Variants in RUNX1T1 observed in about 807,000 individuals in gnomAD.
RUNX1T1 encodes the protein protein CBFA2T1.
Under a neutral mutation model 62.8 loss-of-function variants are expected in RUNX1T1, and 4 were observed. The ratio of observed to expected loss-of-function variants is 0.06; its 90% CI spans 0.03 to 0.15. RUNX1T1 has a LOEUF of 0.15. Ranked by LOEUF, RUNX1T1 falls within the 10% of genes least tolerant of loss-of-function variation. The pLI is 1.00. For missense variants in RUNX1T1, 508 were observed against 754.3 expected (o/e 0.67, Z 3.82); for synonymous variants, 291 against 286.0 (o/e 1.02, Z -0.18).
intron 10 of RUNX1T1, among the ~76,000 whole-genome samples, chr8:91,965,811 G>A (rs2979854): frequency 0.69 from 104,414 of 151,784 alleles, 38,127 homozygotes; most frequent in East Asian, 0.99. Context: ...TAATTCTCTC[G>A]CCACCCTTCC....
rs768035548 is a variant in RUNX1T1 at position 92,062,508 on chromosome 8, T to C, written c.7+38A>G. The C allele has an allele frequency of 2.2e-5, 36 of 1,606,950 alleles. No individual in the cohort carries two copies. The East Asian group carries it at 6.5e-4, about 29-fold the overall frequency. On this transcript the variant is annotated intron_variant, in intron 1 of 10. Coordinates refer to ENST00000396218, the Ensembl canonical transcript of RUNX1T1. ...ATAATAGAAAGTAAGCTTTCTTCAT[T>C]GGAAAAACAGAGAGAACACAGAACA...
chr8:92,000,120 A>G (rs1819476762), intron 5 of RUNX1T1, among the ~76,000 whole-genome samples: 2 of 152,102 alleles, frequency 1.3e-5, no homozygotes, highest in South Asian at 4.1e-4. Flanking sequence ...GGCCTGGCCA[A>G]TATGGTGAAA....
At chr8:92,086,101 T>C (rs1046586183) in intron 1 of RUNX1T1, among the ~76,000 whole-genome samples, 1 of 152,188 alleles carries the variant, frequency 6.6e-6, no homozygotes, top group African/African-American at 2.4e-5. Context: ...CAAATGAATC[T>C]AGATTCAAAA....
At chr8:92,086,788 T>G (rs1230833223) in intron 1 of RUNX1T1, among the ~76,000 whole-genome samples, 1 of 152,164 alleles carries the variant, frequency 6.6e-6, no homozygotes, top group Non-Finnish European at 1.5e-5. Flanking sequence ...TCTATCCAAG[T>G]GCTAATTATT....
upstream of RUNX1T1, among the ~76,000 whole-genome samples, chr8:92,065,802 G>C (rs1000108727): frequency 5.3e-5 from 8 of 152,120 alleles, no homozygotes; most frequent in Non-Finnish European, 1.2e-4. Context: ...CTTTCCACAG[G>C]TCTTCTCAAC....
At chr8:92,086,760 CCT>C (rs1166787406) in intron 1 of RUNX1T1, among the ~76,000 whole-genome samples, 1 of 152,212 alleles carries the variant, frequency 6.6e-6, no homozygotes, top group Non-Finnish European at 1.5e-5. Context: ...ATAACTTCCC[CCT>C]CTCTAAATCC....
chr8:92,059,287 T>C (rs754245834), intron 1 of RUNX1T1, among the ~76,000 whole-genome samples: 23 of 152,216 alleles, frequency 1.5e-4, no homozygotes, highest in Non-Finnish European at 2.4e-4. Context: ...TGAGTGTTTT[T>C]ATTCTTGCAT....
chr8:92,102,854 T>A, upstream of RUNX1T1: 1 of 1,520,300 alleles, frequency 6.6e-7, no homozygotes, highest in South Asian at 1.2e-5. The surrounding 1 kb of genome is among the most constrained non-coding windows in gnomAD (Gnocchi z 4.5). Context: ...CGCGGACACT[T>A]ACACTGCACA....
At chr8:92,039,595 G>A (rs931548456) in intron 1 of RUNX1T1, among the ~76,000 whole-genome samples, 1 of 152,134 alleles carries the variant, frequency 6.6e-6, no homozygotes, top group Admixed American at 6.5e-5. Context: ...GTATACATCT[G>A]TACCTCACAA....
intron 1 of RUNX1T1, among the ~76,000 whole-genome samples, chr8:92,018,757 T>C (rs1405408331): frequency 6.6e-6 from 1 of 152,216 alleles, no homozygotes; most frequent in Non-Finnish European, 1.5e-5. Flanking sequence ...CATTTAAAAG[T>C]TGAAATAATG....
chr8:92,001,415 C>T (rs1819736048), intron 5 of RUNX1T1, among the ~76,000 whole-genome samples: 1 of 152,114 alleles, frequency 6.6e-6, no homozygotes, highest in Non-Finnish European at 1.5e-5. Context: ...AGATCCCTCC[C>T]AGCTGACAAA....
intron 10 of RUNX1T1, 75 bp from the exon 12 acceptor site, chr8:91,960,592 G>A (rs1810223369): frequency 6.8e-7 from 1 of 1,468,492 alleles, no homozygotes; most frequent in South Asian, 1.2e-5. Context: ...AAATATGTTA[G>A]GCATCACTGT....
At chr8:92,084,179 T>C (rs1436331457) in intron 1 of RUNX1T1, among the ~76,000 whole-genome samples, 3 of 151,656 alleles carry the variant, frequency 2.0e-5, no homozygotes, top group Non-Finnish European at 4.4e-5. Context: ...CAAACCACCA[T>C]GGCACATGTA....
chr8:92,005,153 C>A, exon 5 of RUNX1T1: 2 of 1,612,634 alleles, frequency 1.2e-6, no homozygotes, highest in Non-Finnish European at 1.7e-6. Flanking sequence ...TCGTTCACAT[C>A]GAGAAGCAGC....
At chr8:92,060,322 A>T (rs1309193285) in intron 1 of RUNX1T1, among the ~76,000 whole-genome samples, 1 of 151,736 alleles carries the variant, frequency 6.6e-6, no homozygotes, top group Non-Finnish European at 1.5e-5. Flanking sequence ...CATGTTTTTT[A>T]AAACCAAAAT....
chr8:91,955,845 T>C (rs1809283613), downstream of RUNX1T1: 1 of 228,022 alleles, frequency 4.4e-6, no homozygotes, highest in African/African-American at 2.2e-5. Flanking sequence ...GGGAGAAGGG[T>C]TTGTTTTTCA....
At chr8:92,051,934 C>T (rs958729417) in intron 1 of RUNX1T1, among the ~76,000 whole-genome samples, 1 of 151,922 alleles carries the variant, frequency 6.6e-6, no homozygotes, top group African/African-American at 2.4e-5. Context: ...TAGACTTCCA[C>T]ATTTCTTAGC....
intron 5 of RUNX1T1, among the ~76,000 whole-genome samples, chr8:91,996,480 C>T (rs1033251504): frequency 6.6e-6 from 1 of 152,192 alleles, no homozygotes; most frequent in Admixed American, 6.5e-5. Context: ...GGATTACAGG[C>T]GTGAGCCACA....
intron 10 of RUNX1T1, among the ~76,000 whole-genome samples, chr8:91,970,303 A>G (rs1262813488): frequency 1.3e-5 from 2 of 152,158 alleles, no homozygotes; most frequent in South Asian, 2.1e-4. Flanking sequence ...CTTACACAGT[A>G]TCTATTAAAT....
Sources: gnomAD v4.1 joint callset for allele counts (sites outside exome capture counted in the v4.1 genomes callset) on GRCh38, gnomAD v4.1.1 for gene constraint, Gnocchi (gnomAD v3.1) non-coding constraint, MANE v1.5 for transcripts, NCBI Gene and HGNC (gene_info 2026-07-23, HGNC 2026-07-21) for gene names.